PICK1: variants seen among roughly 807,000 people sequenced by gnomAD.
The protein encoded by PICK1 is PRKCA-binding protein.
Under a neutral mutation model 48.9 loss-of-function variants are expected in PICK1, and 23 were observed. The observed-to-expected ratio is 0.47, with a 90% CI of 0.34 to 0.67. PICK1 has a LOEUF of 0.67. PICK1 is among the 30% of genes least tolerant of loss of function. PICK1 has a pLI of 0.01. For missense variants in PICK1, 423 were observed against 557.1 expected, an observed-to-expected ratio of 0.76 and a Z score of 2.42; for synonymous variants, 217 against 228.2, an observed-to-expected ratio of 0.95 and a Z score of 0.44.
chr22:38,059,230 C>G lies in PICK1; in HGVS notation c.42-4C>G. ...GAGTCAGCCTAGCTTGCTTTCCTTTCTAGCGGAATCCCGACTGTGCCTGGG... is the reference window on the plus strand; with the variant it reads ...GAGTCAGCCTAGCTTGCTTTCCTTTGTAGCGGAATCCCGACTGTGCCTGGG... On this transcript the variant is annotated splice_polypyrimidine_tract_variant and splice_region_variant and intron_variant, in intron 2 of 12. Transcript: ENST00000356976. 2 of 1,567,712 alleles carry G rather than the reference C, an allele frequency of 1.3e-6. No individual in the cohort carries two copies. The highest frequency in any genetic ancestry group is 1.7e-6 in the Non-Finnish European group (2 of 1,155,012).
At chr22:38,071,518 C>G (rs898090476) in intron 7 of PICK1, among the ~76,000 whole-genome samples, 164 bp from the exon 8 acceptor site, 3 of 152,182 alleles carry the variant, frequency 2.0e-5, no homozygotes, top group African/African-American at 7.2e-5. Flanking sequence ...CGGGTTGGGT[C>G]GGACTGAGCT....
intron 3 of PICK1, among the ~76,000 whole-genome samples, chr22:38,060,810 G>A (rs573375584): frequency 2.3e-4 from 35 of 150,764 alleles, no homozygotes; most frequent in Middle Eastern, 3.4e-3. Flanking sequence ...GTGCAGTGGC[G>A]TGATCTCAGC....
chr22:38,067,439 G>A (rs993114848), intron 4 of PICK1: 6 of 408,398 alleles, frequency 1.5e-5, no homozygotes, highest in African/African-American at 8.2e-5. Flanking sequence ...CTCCTGAGCA[G>A]CTGGGATTAC....
chr22:38,064,653 C>T (rs968201288), intron 3 of PICK1, among the ~76,000 whole-genome samples: 1 of 152,094 alleles, frequency 6.6e-6, no homozygotes, highest in African/African-American at 2.4e-5. Context: ...CCCAGCTACT[C>T]GGGAGGCTGA....
At chr22:38,063,794 C>T (rs759978319) in intron 3 of PICK1, among the ~76,000 whole-genome samples, 6 of 152,210 alleles carry the variant, frequency 3.9e-5, no homozygotes, top group Non-Finnish European at 4.4e-5. Context: ...AGGCGTACAC[C>T]ACCATGCCCA....
chr22:38,057,399 G>A, upstream of PICK1: 3 of 228,380 alleles, frequency 1.3e-5, no homozygotes, highest in Non-Finnish European at 1.8e-5. Context: ...TGCCGGAAGT[G>A]ACGTGACAAT....
intron 8 of PICK1, 33 bp downstream of exon 8, chr22:38,071,777 G>C (rs760975): frequency 0.64 from 1,013,348 of 1,593,482 alleles, 325,384 homozygotes; most frequent in African/African-American, 0.84. Context: ...TGGTGTGACC[G>C]TGGGCAATCC....
chr22:38,070,765 TC>T (rs2085659101), intron 6 of PICK1, 72 bp from the exon 7 acceptor site: 1 of 1,358,492 alleles, frequency 7.4e-7, no homozygotes. Flanking sequence ...GCCTCTCCCC[TC>T]CCCAGCATGG....
chr22:38,063,437 G>A (rs900933521), intron 3 of PICK1, among the ~76,000 whole-genome samples: 4 of 151,284 alleles, frequency 2.6e-5, no homozygotes, highest in Non-Finnish European at 5.9e-5. Flanking sequence ...CCCAGCCCTT[G>A]GTCTATTTTT....
At chr22:38,060,211 C>T (rs2145857228) in intron 3 of PICK1, among the ~76,000 whole-genome samples, 1 of 152,190 alleles carries the variant, frequency 6.6e-6, no homozygotes, top group South Asian at 2.1e-4. Context: ...CCGAGTGAGA[C>T]CCTGTTTCAA....
intron 4 of PICK1, 83 bp from the exon 5 acceptor site, chr22:38,067,621 G>C: frequency 1.6e-6 from 2 of 1,254,110 alleles, no homozygotes; most frequent in Admixed American, 3.4e-5. Flanking sequence ...GGGCTCAGGA[G>C]TCTCAGTCCA....
chr22:38,069,181 G>T (rs566149092), intron 6 of PICK1, 59 bp downstream of exon 6: 15 of 1,268,778 alleles, frequency 1.2e-5, no homozygotes, highest in African/African-American at 5.9e-5. Flanking sequence ...TGAGAAGAGT[G>T]GGGGGCACCA....
chr22:38,075,159 C>T lies in PICK1; in HGVS notation c.*27C>T. 1 of 1,598,364 alleles carries T rather than the reference C, an allele frequency of 6.3e-7. No individual in the cohort carries two copies. The highest frequency in any genetic ancestry group is 8.5e-7 in the Non-Finnish European group (1 of 1,172,042). On this transcript the variant is annotated 3_prime_UTR_variant, in exon 13 of 13. Transcript: ENST00000356976. The stretch of plus-strand genomic sequence containing the variant: ...TGCCCCGCGGCTGTGGTGCCGGGGG[C>T]AGGGTGCGTGGGAGGACGGAGCCTG...
intron 5 of PICK1, chr22:38,068,217 T>C: frequency 2.3e-6 from 1 of 439,496 alleles, no homozygotes. Flanking sequence ...ACTCTGGATC[T>C]GAACTGGACC....
At chr22:38,058,615 A>G (rs1213940582) in intron 2 of PICK1, among the ~76,000 whole-genome samples, 1 of 152,174 alleles carries the variant, frequency 6.6e-6, no homozygotes, top group East Asian at 1.9e-4. Flanking sequence ...GGTTGCTGTT[A>G]GTGCCCTCCA....
At chr22:38,062,714 T>C (rs2085434474) in intron 3 of PICK1, among the ~76,000 whole-genome samples, 1 of 152,112 alleles carries the variant, frequency 6.6e-6, no homozygotes, top group Admixed American at 6.6e-5. Flanking sequence ...AAAGGGCACG[T>C]GGGATGTCAA....
At chr22:38,070,716 G>A (rs1384856107) in intron 6 of PICK1, 122 bp from the exon 7 acceptor site, 1 of 823,738 alleles carries the variant, frequency 1.2e-6, no homozygotes, top group East Asian at 2.5e-5. Flanking sequence ...CCCTCCCTGG[G>A]ACCCCTGATC....
intron 5 of PICK1, chr22:38,068,187 T>G: frequency 2.2e-6 from 1 of 457,086 alleles, no homozygotes; most frequent in Non-Finnish European, 4.5e-6. Flanking sequence ...TGGCCTCTCC[T>G]GCCATCAGCT....
At chr22:38,058,011 GGGGCTGT>G in intron 2 of PICK1, 161 bp downstream of exon 2, 3 of 712,394 alleles carry the variant, frequency 4.2e-6, no homozygotes, top group South Asian at 1.5e-5. Flanking sequence ...CTATTTGTAG[GGGGCTGT>G]GGACAGTTAA....
Sources: gnomAD v4.1 joint callset for allele counts (sites outside exome capture counted in the v4.1 genomes callset) on GRCh38, gnomAD v4.1.1 for gene constraint, MANE v1.5 for transcripts, NCBI Gene and HGNC (gene_info 2026-07-23, HGNC 2026-07-21) for gene names.